The following WWC1 variants were observed in gnomAD, a reference collection of about 807,000 sequenced individuals.
WWC1 encodes the protein protein KIBRA.
In WWC1, 55 loss-of-function variants were observed where a neutral mutation model predicts 138.4. That is an observed-to-expected ratio of 0.40 (90% CI 0.32 to 0.50). WWC1 has a LOEUF of 0.50. WWC1 is among the 20% of genes least tolerant of loss of function. WWC1 has a pLI of 0.72. For synonymous variants in WWC1, 524 were observed against 564.9 expected, an observed-to-expected ratio of 0.93 and a Z score of 1.03; for missense variants, 1,226 against 1,420.4, an observed-to-expected ratio of 0.86 and a Z score of 2.20.
At chr5:168,421,712 G>A (rs985727918) in intron 9 of WWC1, among the ~76,000 whole-genome samples, 4 of 152,114 alleles carry the variant, frequency 2.6e-5, no homozygotes, top group South Asian at 2.1e-4. Context: ...TAAGGGCCTC[G>A]ATTTCCTCTT....
intron 5 of WWC1, among the ~76,000 whole-genome samples, chr5:168,403,694 C>T (rs1779561303): frequency 6.6e-6 from 1 of 152,106 alleles, no homozygotes; most frequent in Non-Finnish European, 1.5e-5. Flanking sequence ...GAGGGCAGTG[C>T]AGCACCTCTC....
chr5:168,382,788 T>G (rs1001826567), intron 2 of WWC1, among the ~76,000 whole-genome samples: 4 of 152,232 alleles, frequency 2.6e-5, no homozygotes, highest in Non-Finnish European at 5.9e-5. Flanking sequence ...GGGCAGTTTT[T>G]TGTAGCCACT....
chr5:168,393,554 C>CT (rs1233758054), intron 3 of WWC1, among the ~76,000 whole-genome samples: 3 of 152,032 alleles, frequency 2.0e-5, no homozygotes, highest in Non-Finnish European at 4.4e-5. Context: ...CCGAATAAGG[C>CT]TATTTTCAGA....
At chr5:168,449,570 C>G (rs115831407) in intron 17 of WWC1, among the ~76,000 whole-genome samples, 24 of 90,730 alleles carry the variant, frequency 2.6e-4, no homozygotes, top group African/African-American at 1.1e-3. Flanking sequence ...TTTAACAGCT[C>G]TTTTTTTTTT....
intron 2 of WWC1, among the ~76,000 whole-genome samples, chr5:168,380,700 A>G (rs1357180920): frequency 6.6e-6 from 1 of 152,226 alleles, no homozygotes; most frequent in Non-Finnish European, 1.5e-5. Flanking sequence ...AAGTGAAAAC[A>G]TGCCCACACG....
intron 9 of WWC1, among the ~76,000 whole-genome samples, chr5:168,421,111 G>T (rs969313910): frequency 6.6e-6 from 1 of 152,176 alleles, no homozygotes. Context: ...CAGTTAACAG[G>T]CAGCCTTCCA....
intron 1 of WWC1, among the ~76,000 whole-genome samples, chr5:168,341,396 T>C (rs1372094966): frequency 6.6e-6 from 1 of 152,106 alleles, no homozygotes; most frequent in Non-Finnish European, 1.5e-5. Flanking sequence ...CATTTACTCA[T>C]CTATTACTCA....
chr5:168,322,500 A>G (rs1772200161), intron 1 of WWC1, among the ~76,000 whole-genome samples: 1 of 152,222 alleles, frequency 6.6e-6, no homozygotes, highest in Admixed American at 6.5e-5. Context: ...ATGGTTCTCT[A>G]TCCTTGCTCT....
At chr5:168,468,851 A>T (rs1325213512) in intron 22 of WWC1, 100 bp from the exon 23 acceptor site, 4 of 1,250,262 alleles carry the variant, frequency 3.2e-6, no homozygotes, top group African/African-American at 1.5e-5. Flanking sequence ...TTCTGCAGCG[A>T]ATGTATAGGA....
rs72242963 is a variant in WWC1 at position 168,403,006 on chromosome 5, T to TTTTCTTTCTTTCTTTCTTTC, written c.591-3136_591-3117dup. On this transcript the variant is annotated intron_variant, in intron 5 of 22. Coordinates refer to ENST00000265293, the MANE Select transcript of WWC1 (RefSeq NM_015238.3). ...AGCAGCCAAAAGCTCTGTTGTTTCT[T>TTTTCTTTCTTTCTTTCTTTC]TTTCTTTCTTTCTTTCTTTCTTTCT... 4.2e-3 allele frequency among the ~76,000 whole-genome samples: 441 copies of TTTTCTTTCTTTCTTTCTTTC among 105,618 alleles called. 4 individuals carry two copies. The highest frequency in any genetic ancestry group is 5.6e-3 in the African/African-American group (153 of 27,280). 69.3% of individuals were successfully genotyped at this position (105,618 alleles called of 152,430 possible).
intron 11 of WWC1, among the ~76,000 whole-genome samples, chr5:168,426,932 C>G (rs1169024821): frequency 6.6e-6 from 1 of 152,200 alleles, no homozygotes; most frequent in East Asian, 1.9e-4. Context: ...GGGCCTGGCA[C>G]ATCGTGAGTG....
At chr5:168,464,996 G>T (rs200244629) in intron 21 of WWC1, 34 bp downstream of exon 21, 1 of 1,608,774 alleles carries the variant, frequency 6.2e-7, no homozygotes, top group Non-Finnish European at 8.5e-7. Context: ...GGAGCCCTGC[G>T]CTCTGCCCCA....
At chr5:168,315,175 C>A (rs1325264658) in intron 1 of WWC1, among the ~76,000 whole-genome samples, 1 of 147,036 alleles carries the variant, frequency 6.8e-6, no homozygotes, top group Non-Finnish European at 1.5e-5. Context: ...CCACAAATAA[C>A]TTTTTTTTTT....
intron 21 of WWC1, 139 bp from the exon 22 acceptor site, chr5:168,467,701 C>A: frequency 7.9e-7 from 1 of 1,259,298 alleles, no homozygotes; most frequent in Non-Finnish European, 1.1e-6. Context: ...CATTATCGTT[C>A]TGAATGAAGT....
At chr5:168,320,761 T>G (rs1772002022) in intron 1 of WWC1, among the ~76,000 whole-genome samples, 1 of 151,840 alleles carries the variant, frequency 6.6e-6, no homozygotes, top group South Asian at 2.1e-4. Context: ...CTGGAACTGG[T>G]GGGTTTTCAC....
intron 19 of WWC1, among the ~76,000 whole-genome samples, chr5:168,459,009 A>G (rs1379007751): frequency 6.6e-6 from 1 of 152,066 alleles, no homozygotes; most frequent in African/African-American, 2.4e-5. Flanking sequence ...ATCCCAGGAC[A>G]TTGAGAGGCT....
At chr5:168,361,717 G>A (rs992654289) in intron 1 of WWC1, among the ~76,000 whole-genome samples, 1 of 152,212 alleles carries the variant, frequency 6.6e-6, no homozygotes, top group Non-Finnish European at 1.5e-5. Context: ...GGTAAAGAAA[G>A]GGAGTTGTTT....
At position 168,414,507 on chromosome 5, in the gene WWC1, G is replaced by A. The variant is rs1471447919; in HGVS notation, c.1101G>A (p.Val367=). Residue 367 remains valine (V), a synonymous_variant, in exon 9 of 23, where the codon GTG becomes GTA. Coordinates refer to ENST00000265293, the MANE Select transcript of WWC1 (RefSeq NM_015238.3). ...ISPRKWTQGE[V]EQLEMARKRL... The stretch of plus-strand genomic sequence containing the variant: ...CCCGCAAGTGGACCCAGGGGGAGGT[G>A]GAGCAGCTGGAGATGGCCCGGAAGC... The A allele has an allele frequency of 6.4e-7, 1 of 1,557,508 alleles. No homozygotes were observed. Among genetic ancestry groups the A allele is most frequent in the Admixed American group, 1.9e-5 (1 of 51,562 alleles).
chr5:168,415,796 TGTGGGG>T (rs1203295822), intron 9 of WWC1: 7 of 1,384 alleles, frequency 5.1e-3, no homozygotes, highest in Admixed American at 0.012. Context: ...AGTGTGTGTG[TGTGGGG>T]GGGGGGGGGG....
Sources: allele counts gnomAD v4.1 joint callset (sites outside exome capture counted in the v4.1 genomes callset), GRCh38; gene constraint gnomAD v4.1.1; transcripts MANE v1.5; gene names NCBI Gene and HGNC (gene_info 2026-07-23, HGNC 2026-07-21).